HDAC9: variants seen among roughly 807,000 people sequenced by gnomAD.
The protein encoded by HDAC9 is MEF-2 interacting transcription repressor (MITR) protein.
HDAC9 carries 41 observed loss-of-function variants against 139.4 expected under a neutral mutation model. That is an observed-to-expected ratio of 0.29 (90% CI 0.23 to 0.38). The LOEUF is 0.38. Ranked by LOEUF, HDAC9 falls within the 10% of genes least tolerant of loss-of-function variation. The pLI is 1.00. For missense variants in HDAC9, 1,147 were observed against 1,297.0 expected (o/e 0.88, Z 1.78); for synonymous variants, 517 against 476.2 (o/e 1.09, Z -1.12).
chr7:18,271,201 G>C (rs545717098), intron 2 of HDAC9, among the ~76,000 whole-genome samples: 11 of 152,266 alleles, frequency 7.2e-5, no homozygotes, highest in Admixed American at 3.9e-4. Context: ...CATAGATGTT[G>C]CAAGTGTACA....
At chr7:18,368,390 G>A (rs777126049) in intron 1 of HDAC9, among the ~76,000 whole-genome samples, 3 of 151,874 alleles carry the variant, frequency 2.0e-5, no homozygotes, top group Non-Finnish European at 2.9e-5. Context: ...CTGACTAACC[G>A]GTGATCGGCA....
intron 19 of HDAC9, 99 bp downstream of exon 19, chr7:18,829,647 A>G (rs1271665962): frequency 2.7e-6 from 2 of 730,696 alleles, no homozygotes; most frequent in South Asian, 1.8e-5. Flanking sequence ...AGCACTTGCA[A>G]ACAACTGAAG....
intron 1 of HDAC9, among the ~76,000 whole-genome samples, chr7:18,440,801 A>C (rs1320964171): frequency 6.6e-6 from 1 of 152,226 alleles, no homozygotes; most frequent in Non-Finnish European, 1.5e-5. Flanking sequence ...ACACAACAAG[A>C]CATGTAAAAC....
intron 16 of HDAC9, among the ~76,000 whole-genome samples, chr7:18,790,911 C>T (rs1411776670): frequency 6.6e-6 from 1 of 152,076 alleles, no homozygotes; most frequent in Non-Finnish European, 1.5e-5. Flanking sequence ...ATAAAAGTAA[C>T]CCCCACCCGG....
intron 14 of HDAC9, among the ~76,000 whole-genome samples, chr7:18,749,940 C>G (rs1027991258): frequency 1.3e-5 from 2 of 152,104 alleles, no homozygotes; most frequent in African/African-American, 4.8e-5. Context: ...ATTTCTTTTA[C>G]TGGGTCTCTG....
intron 2 of HDAC9, chr7:18,509,320 A>T (rs1362807385): frequency 1.0e-6 from 1 of 985,278 alleles, no homozygotes; most frequent in Non-Finnish European, 1.2e-6. Flanking sequence ...GCCTTTATCA[A>T]TGGGTAGGTG....
intron 12 of HDAC9, among the ~76,000 whole-genome samples, chr7:18,673,290 T>C (rs1008655291): frequency 6.6e-5 from 10 of 152,086 alleles, no homozygotes; most frequent in African/African-American, 2.2e-4. Flanking sequence ...AAAAAAATTA[T>C]GTCGAACTAA....
At chr7:18,359,257 A>C (rs940639170) in intron 1 of HDAC9, among the ~76,000 whole-genome samples, 18 of 152,138 alleles carry the variant, frequency 1.2e-4, no homozygotes, top group African/African-American at 3.9e-4. Flanking sequence ...CTGAGGCAGG[A>C]GAATCACTTG....
At position 18,666,290 on chromosome 7, in the gene HDAC9, C is replaced by A; in HGVS notation, c.1545C>A (p.Asp515Glu). ...LEEAEEELQG[D>E]QAMQEDRAPS... Reference sequence around the variant, plus strand: ...AAGCAGAGGAAGAGCTTCAGGGGGACCAGGCGATGCAGGAAGACAGAGCGC... The same window carrying A: ...AAGCAGAGGAAGAGCTTCAGGGGGAACAGGCGATGCAGGAAGACAGAGCGC... Residue 515 changes from aspartate (D) to glutamate (E), a missense_variant, in exon 12 of 26, where the codon GAC becomes GAA. Transcript: ENST00000686413. 1 of 1,613,428 alleles carries A rather than the reference C, an allele frequency of 6.2e-7. No individual in the cohort carries two copies. Among genetic ancestry groups the A allele is most frequent in the Non-Finnish European group, 8.5e-7 (1 of 1,179,602 alleles).
chr7:18,763,849 G>A (rs1789598445), intron 15 of HDAC9, among the ~76,000 whole-genome samples: 2 of 152,076 alleles, frequency 1.3e-5, no homozygotes, highest in Non-Finnish European at 2.9e-5. Flanking sequence ...TGGTCCTAAA[G>A]TATAAATCAA....
At chr7:18,658,022 C>T (rs531240642) in intron 11 of HDAC9, among the ~76,000 whole-genome samples, 11 of 152,228 alleles carry the variant, frequency 7.2e-5, no homozygotes, top group African/African-American at 2.2e-4. Context: ...GTGGAAGGCT[C>T]AACCTCCACG....
chr7:18,624,004 CT>C (rs1280136074), intron 6 of HDAC9, among the ~76,000 whole-genome samples: 3 of 152,152 alleles, frequency 2.0e-5, no homozygotes, highest in Admixed American at 2.0e-4. Flanking sequence ...CTGTGTGCTT[CT>C]ACACAAGATA....
At chr7:18,095,758 A>G (rs1027104536) in intron 1 of HDAC9, among the ~76,000 whole-genome samples, 7 of 152,266 alleles carry the variant, frequency 4.6e-5, no homozygotes, top group Non-Finnish European at 1.5e-5. Context: ...AATATAAACA[A>G]CAGAATTGAT....
At chr7:18,360,253 G>A (rs894793729) in intron 1 of HDAC9, among the ~76,000 whole-genome samples, 1 of 152,140 alleles carries the variant, frequency 6.6e-6, no homozygotes, top group Admixed American at 6.5e-5. Context: ...GCCACCAAGT[G>A]GATGGACTTC....
intron 21 of HDAC9, among the ~76,000 whole-genome samples, chr7:18,869,257 A>T (rs1290240842): frequency 6.6e-6 from 1 of 151,262 alleles, no homozygotes; most frequent in Non-Finnish European, 1.5e-5. Context: ...TCTCATGTCA[A>T]AATGTAATCC....
In HDAC9 at chr7:18,727,730, C is replaced by T. The variant is rs766702378; in HGVS notation, c.1882C>T (p.Arg628Cys). 3.9e-6 allele frequency: 6 copies of T among 1,554,364 alleles called. No individual in the cohort carries two copies. Among genetic ancestry groups the T allele is most frequent in the Middle Eastern group, 1.7e-4 (1 of 5,864 alleles). The stretch of plus-strand genomic sequence containing the variant: ...TGTTTTACCTCACCCAGCAATGGAC[C>T]GCCCCCTCCAGCCTGGCTCTGCAAC... ...ASVLPHPAMD[R>C]PLQPGSATGI... Residue 628 changes from arginine (R) to cysteine (C), a missense_variant, in exon 13 of 26, where the codon CGC becomes TGC. Arg to Cys is a radical substitution (Grantham distance 180). This residue lies in a region of HDAC9 where 256 missense variants were observed against 219.2 expected (regional missense o/e 1.17). Transcript: ENST00000686413.
intron 1 of HDAC9, among the ~76,000 whole-genome samples, chr7:18,398,241 A>C (rs1260253770): frequency 6.6e-6 from 1 of 152,194 alleles, no homozygotes; most frequent in East Asian, 1.9e-4. Flanking sequence ...TTAAAGCACA[A>C]CTCAGAAAAA....
intron 21 of HDAC9, among the ~76,000 whole-genome samples, chr7:18,840,948 C>T (rs11978963): frequency 0.043 from 6,581 of 152,078 alleles, 219 homozygotes; most frequent in Middle Eastern, 0.14. Flanking sequence ...AACTCAAGTG[C>T]AGAATGAAAT....
chr7:18,944,668 C>T (rs969585175), intron 23 of HDAC9, among the ~76,000 whole-genome samples: 2 of 152,080 alleles, frequency 1.3e-5, no homozygotes, highest in Admixed American at 1.3e-4. Flanking sequence ...AGAGTAATGT[C>T]AGCTCTATCT....
Sources: allele counts gnomAD v4.1 joint callset (sites outside exome capture counted in the v4.1 genomes callset), GRCh38; gene constraint gnomAD v4.1.1; regional missense constraint gnomAD v4.1.1; transcripts MANE v1.5; gene names NCBI Gene and HGNC (gene_info 2026-07-23, HGNC 2026-07-21).